SCTR: variants seen among roughly 807,000 people sequenced by gnomAD.
The protein encoded by SCTR is secretin receptor.
In SCTR, 56 loss-of-function variants were observed where a neutral mutation model predicts 60.8. That is an observed-to-expected ratio of 0.92 (90% CI 0.74 to 1.15). The LOEUF is 1.15. Among genes scored for constraint, SCTR ranks in the 50% most tolerant of loss-of-function variants. SCTR has a pLI of 0.00. For missense variants in SCTR, 562 were observed against 550.4 expected, an observed-to-expected ratio of 1.02 and a Z score of -0.21; for synonymous variants, 202 against 217.0, an observed-to-expected ratio of 0.93 and a Z score of 0.61.
chr2:119,469,972 G>C (rs1398660173), intron 4 of SCTR, among the ~76,000 whole-genome samples: 2 of 152,246 alleles, frequency 1.3e-5, no homozygotes, highest in East Asian at 3.8e-4. Flanking sequence ...TTAAGGGACA[G>C]AGAGTAAATA....
chr2:119,446,260 C>T (rs72957084), intron 11 of SCTR, among the ~76,000 whole-genome samples: 1,812 of 152,296 alleles, frequency 0.012, 36 homozygotes, highest in African/African-American at 0.042. Flanking sequence ...CATGCGACTG[C>T]TCCTTGAAAC....
chr2:119,503,245 C>T (rs1678615423), intron 1 of SCTR, among the ~76,000 whole-genome samples: 1 of 150,568 alleles, frequency 6.6e-6, no homozygotes, highest in Admixed American at 6.6e-5. Context: ...ATCTTAAATA[C>T]AGATTGCTAA....
intron 1 of SCTR, among the ~76,000 whole-genome samples, chr2:119,517,482 A>C (rs773480939): frequency 6.6e-6 from 1 of 152,194 alleles, no homozygotes. Context: ...TTTTTAAAAA[A>C]GATTATAAAA....
chr2:119,505,655 A>G (rs6727990), intron 1 of SCTR, among the ~76,000 whole-genome samples: 73,642 of 148,458 alleles, frequency 0.5, 18,683 homozygotes, highest in East Asian at 0.86. Context: ...GAACTGAACA[A>G]TGAGAACACA....
chr2:119,511,140 T>C (rs2104940726), intron 1 of SCTR, among the ~76,000 whole-genome samples: 1 of 152,144 alleles, frequency 6.6e-6, no homozygotes, highest in African/African-American at 2.4e-5. Context: ...GAGGCAGAGC[T>C]TGCAGTGAGC....
At chr2:119,453,171 TG>T in intron 8 of SCTR, 115 bp downstream of exon 8, 1 of 774,406 alleles carries the variant, frequency 1.3e-6, no homozygotes, top group South Asian at 1.6e-5. Context: ...AACTCATCTG[TG>T]GCCTCTACTT....
intron 1 of SCTR, among the ~76,000 whole-genome samples, chr2:119,518,743 G>C (rs935739785): frequency 2.0e-5 from 3 of 152,208 alleles, no homozygotes; most frequent in African/African-American, 7.2e-5. Flanking sequence ...GGGATGCAGA[G>C]ACCAAGCTGG....
intron 1 of SCTR, among the ~76,000 whole-genome samples, chr2:119,516,160 T>G (rs1298353991): frequency 1.3e-5 from 2 of 152,140 alleles, no homozygotes; most frequent in Non-Finnish European, 2.9e-5. Context: ...AGCATGGAGC[T>G]TCCTCAAAAA....
chr2:119,514,221 C>T (rs923367697), intron 1 of SCTR, among the ~76,000 whole-genome samples: 1 of 152,210 alleles, frequency 6.6e-6, no homozygotes, highest in Admixed American at 6.5e-5. Context: ...GGGAAGAACC[C>T]TTTCATGTCT....
intron 4 of SCTR, among the ~76,000 whole-genome samples, chr2:119,472,798 C>T (rs549925059): frequency 1.3e-5 from 2 of 152,274 alleles, no homozygotes; most frequent in South Asian, 2.1e-4. Flanking sequence ...CGCACCACCA[C>T]GCTCAGCTAA....
intron 2 of SCTR, among the ~76,000 whole-genome samples, chr2:119,493,324 G>A (rs10153771): frequency 0.038 from 5,817 of 152,238 alleles, 362 homozygotes; most frequent in African/African-American, 0.13. Flanking sequence ...TGGGCATTAG[G>A]GGTGTTTCCA....
chr2:119,442,198 T>C (rs912597324), intron 11 of SCTR, among the ~76,000 whole-genome samples: 1 of 152,192 alleles, frequency 6.6e-6, no homozygotes, highest in Non-Finnish European at 1.5e-5. Context: ...TCTGTGCCTG[T>C]AAGACCCTCC....
intron 6 of SCTR, 82 bp from the exon 7 acceptor site, chr2:119,462,082 G>A (rs1683633916): frequency 1.1e-5 from 15 of 1,384,456 alleles, no homozygotes; most frequent in Non-Finnish European, 1.4e-5. Context: ...GAGCAACAGG[G>A]TGTTGTAGGG....
intron 6 of SCTR, among the ~76,000 whole-genome samples, chr2:119,463,250 A>G (rs1422907389): frequency 6.6e-6 from 1 of 152,164 alleles, no homozygotes; most frequent in African/African-American, 2.4e-5. Context: ...GTGTGGTTAC[A>G]TGACTCAACT....
intron 3 of SCTR, among the ~76,000 whole-genome samples, chr2:119,474,408 T>G (rs1363734052): frequency 2.0e-5 from 3 of 152,114 alleles, no homozygotes; most frequent in African/African-American, 7.2e-5. Flanking sequence ...AGGAGGGAAG[T>G]CTTGGAAGGC....
intron 1 of SCTR, among the ~76,000 whole-genome samples, chr2:119,494,812 A>G (rs1312933486): frequency 6.6e-6 from 1 of 152,214 alleles, no homozygotes; most frequent in Non-Finnish European, 1.5e-5. Context: ...AAGGCTCCTG[A>G]GCCCAACAAG....
intron 2 of SCTR, among the ~76,000 whole-genome samples, chr2:119,480,055 G>A (rs1021198866): frequency 4.6e-5 from 7 of 152,158 alleles, no homozygotes; most frequent in African/African-American, 1.4e-4. Flanking sequence ...AATGATTCTC[G>A]TCCATAGGCA....
At chr2:119,518,792 A>G (rs992681123) in intron 1 of SCTR, among the ~76,000 whole-genome samples, 3 of 152,164 alleles carry the variant, frequency 2.0e-5, no homozygotes, top group African/African-American at 7.2e-5. Flanking sequence ...TGGAGCTCGA[A>G]TCCCAGATAT....
At chr2:119,478,751 G>GC (rs1411698472) in intron 3 of SCTR, 60 bp downstream of exon 3, 99 of 1,534,268 alleles carry the variant, frequency 6.5e-5, no homozygotes, top group South Asian at 9.3e-5. Context: ...CTAAGCTGAG[G>GC]CCCCACCCAG....
Sources: allele counts gnomAD v4.1 joint callset (sites outside exome capture counted in the v4.1 genomes callset), GRCh38; gene constraint gnomAD v4.1.1; transcripts MANE v1.5; gene names NCBI Gene and HGNC (gene_info 2026-07-23, HGNC 2026-07-21).